DNAH6: variants seen among roughly 807,000 people sequenced by gnomAD.
DNAH6 encodes the protein axonemal beta dynein heavy chain 6.
Under a neutral mutation model 491.4 loss-of-function variants are expected in DNAH6, and 340 were observed. That is an observed-to-expected ratio of 0.69 (90% CI 0.63 to 0.76). The LOEUF is 0.76. DNAH6 is among the 30% of genes least tolerant of loss of function. The pLI, the probability that DNAH6 is intolerant of heterozygous loss-of-function variation, is 0.00. For synonymous variants in DNAH6, 1,603 were observed against 1,686.1 expected, an observed-to-expected ratio of 0.95 and a Z score of 1.21; for missense variants, 4,443 against 4,972.2, an observed-to-expected ratio of 0.89 and a Z score of 3.20.
rs1418391854 is a variant in DNAH6, at chr2:84,750,509, G to C, written c.10512+5260G>C. Among the ~76,000 whole-genome samples the C allele has an allele frequency of 3.3e-5, 5 of 152,156 alleles. No individual in the cohort carries two copies. In the East Asian group the frequency reaches 5.8e-4, roughly 18 times the overall value. ...CTATGTGGTTATACTTTTTTAAAGA[G>C]ACTTTGTCTTGTAGAAACATATTGA... On this transcript the variant is annotated intron_variant, in intron 63 of 76. Coordinates refer to ENST00000389394, the MANE Select transcript of DNAH6 (RefSeq NM_001370.2).
rs558992003 is a variant in DNAH6 at position 84,742,580 on chromosome 2, A to G, written c.10343-2500A>G. Among the ~76,000 whole-genome samples the G allele has an allele frequency of 5.9e-5, 9 of 152,288 alleles. No homozygotes were observed. In the South Asian group the frequency reaches 1.7e-3, roughly 28 times the overall value. ...CAGCATCCAAAATGTCAATATTAGT[A>G]AAGTTAAGAAACTCTGATCTGTTTG... On this transcript the variant is annotated intron_variant, in intron 62 of 76. Transcript: ENST00000389394.
At chr2:84,609,493 C>T (rs1033194901) in intron 21 of DNAH6, among the ~76,000 whole-genome samples, 5 of 151,818 alleles carry the variant, frequency 3.3e-5, no homozygotes, top group African/African-American at 9.7e-5. Context: ...ACAGGGGGCA[C>T]GGAGGAGAAG....
chr2:84,637,801 T>A (rs1191732382), intron 31 of DNAH6, among the ~76,000 whole-genome samples: 1 of 152,196 alleles, frequency 6.6e-6, no homozygotes, highest in Admixed American at 6.5e-5. Flanking sequence ...GGTTTATAAG[T>A]ATGTATCAAC....
At chr2:84,529,625 G>A (rs979244778) in intron 4 of DNAH6, among the ~76,000 whole-genome samples, 1 of 152,136 alleles carries the variant, frequency 6.6e-6, no homozygotes, top group Admixed American at 6.6e-5. Context: ...CACTTTCTGT[G>A]TGTTGTTGCC....
chr2:84,666,666 A>G (rs555527050), intron 37 of DNAH6, among the ~76,000 whole-genome samples: 1 of 152,326 alleles, frequency 6.6e-6, no homozygotes, highest in African/African-American at 2.4e-5. Context: ...GAAAATGGCC[A>G]TACTGCCCAA....
chr2:84,500,411 C>T, the DNAH6 span, among the ~76,000 whole-genome samples: 2 of 152,186 alleles, frequency 1.3e-5, no homozygotes, highest in East Asian at 1.9e-4. Flanking sequence ...ATGCCAGTAC[C>T]ATGCTGTTAT....
intron 76 of DNAH6, among the ~76,000 whole-genome samples, chr2:84,816,896 G>A (rs1201254468): frequency 6.6e-6 from 1 of 152,124 alleles, no homozygotes; most frequent in Non-Finnish European, 1.5e-5. Flanking sequence ...TGGGAAAATC[G>A]CCTTGAATAC....
At chr2:84,797,471 A>T (rs767061021) in intron 69 of DNAH6, 66 bp from the exon 70 acceptor site, 19 of 1,483,788 alleles carry the variant, frequency 1.3e-5, no homozygotes, top group Non-Finnish European at 1.5e-5. Flanking sequence ...ACAAAGAAAA[A>T]TCAAACTTGG....
At chr2:84,759,791 G>A (rs999211100) in intron 63 of DNAH6, among the ~76,000 whole-genome samples, 2 of 151,948 alleles carry the variant, frequency 1.3e-5, no homozygotes, top group Non-Finnish European at 2.9e-5. Context: ...AACCAAAAAA[G>A]ACCCCAAATA....
chr2:84,719,371 A>G (rs1697864136), intron 59 of DNAH6, among the ~76,000 whole-genome samples: 1 of 152,148 alleles, frequency 6.6e-6, no homozygotes, highest in Admixed American at 6.5e-5. Flanking sequence ...AAAGTTGTAC[A>G]TGCCAACTCT....
intron 15 of DNAH6, among the ~76,000 whole-genome samples, chr2:84,585,082 G>A (rs1006994668): frequency 6.6e-6 from 1 of 152,174 alleles, no homozygotes; most frequent in Non-Finnish European, 1.5e-5. Context: ...AGCTCACATT[G>A]TGTGCTGCCT....
chr2:84,672,553 G>C, intron 40 of DNAH6, 69 bp downstream of exon 40: 1 of 1,397,344 alleles, frequency 7.2e-7, no homozygotes, highest in East Asian at 2.5e-5. Flanking sequence ...TGTATAGTTT[G>C]TGAGACTACC....
At chr2:84,804,557 A>C (rs1192370) in intron 70 of DNAH6, among the ~76,000 whole-genome samples, 38,626 of 151,740 alleles carry the variant, frequency 0.25, 5,603 homozygotes, top group African/African-American at 0.42. Flanking sequence ...AATATTTTTT[A>C]TTTATATTTT....
chr2:84,787,668 C>T (rs960109974), intron 68 of DNAH6, among the ~76,000 whole-genome samples: 1 of 152,184 alleles, frequency 6.6e-6, no homozygotes, highest in Non-Finnish European at 1.5e-5. Flanking sequence ...AACTGAGGCA[C>T]ACCATTTACA....
chr2:84,651,964 T>TTA (rs1340994381), intron 33 of DNAH6, among the ~76,000 whole-genome samples: 2 of 152,010 alleles, frequency 1.3e-5, no homozygotes, highest in African/African-American at 4.8e-5. Context: ...TTTTTTTTTT[T>TTA]ACTGCTGCTA....
chr2:84,655,901 G>A (rs750827243), intron 35 of DNAH6, among the ~76,000 whole-genome samples: 4 of 152,082 alleles, frequency 2.6e-5, no homozygotes, highest in African/African-American at 9.7e-5. Flanking sequence ...CACCATTATA[G>A]TATCAGGCAG....
At chr2:84,782,359 A>G (rs1676777164) in intron 65 of DNAH6, among the ~76,000 whole-genome samples, 1 of 152,240 alleles carries the variant, frequency 6.6e-6, no homozygotes, top group Non-Finnish European at 1.5e-5. Flanking sequence ...CCAGGCAAGC[A>G]TATCCAGAGA....
intron 11 of DNAH6, among the ~76,000 whole-genome samples, chr2:84,561,317 G>A (rs1680648362): frequency 1.3e-5 from 2 of 152,108 alleles, no homozygotes; most frequent in Admixed American, 1.3e-4. Context: ...AATGGTGCTG[G>A]GAAAACTGGC....
rs149589940 is a variant in DNAH6, at chr2:84,632,364, C to A, written c.4516-2140C>A. Among the ~76,000 whole-genome samples the A allele has an allele frequency of 2.7e-4, 41 of 151,836 alleles. No individual in the cohort carries two copies. The East Asian group carries it at 7.7e-3, about 29-fold the overall frequency. On this transcript the variant is annotated intron_variant, in intron 29 of 76. Coordinates refer to ENST00000389394, the MANE Select transcript of DNAH6 (RefSeq NM_001370.2). Reference sequence around the variant, plus strand: ...TGGATTTCAAACCCCCCACTCTCCTCCTCAGCCAGGCACAAACTGCAGAGC... The same window carrying A: ...TGGATTTCAAACCCCCCACTCTCCTACTCAGCCAGGCACAAACTGCAGAGC...
Sources: gnomAD v4.1 joint callset for allele counts (sites outside exome capture counted in the v4.1 genomes callset) on GRCh38, gnomAD v4.1.1 for gene constraint, MANE v1.5 for transcripts, NCBI Gene and HGNC (gene_info 2026-07-23, HGNC 2026-07-21) for gene names.